NKAIN2: variants seen among roughly 807,000 people sequenced by gnomAD.
NKAIN2 encodes sodium/potassium transporting ATPase interacting 2, also known as sodium/potassium-transporting ATPase subunit beta-1-interacting protein 2.
A neutral mutation model predicts 32.6 loss-of-function variants in NKAIN2; 14 were observed. The observed-to-expected ratio is 0.43, with a 90% CI of 0.28 to 0.67. The LOEUF is 0.67. NKAIN2 is among the 30% of genes least tolerant of loss of function. The pLI, the probability that NKAIN2 is intolerant of heterozygous loss-of-function variation, is 0.17. For synonymous variants in NKAIN2, 80 were observed against 87.2 expected (o/e 0.92, Z 0.46); for missense variants, 198 against 258.3 (o/e 0.77, Z 1.60).
At chr6:124,812,169 C>T (rs536337565) in intron 5 of NKAIN2, among the ~76,000 whole-genome samples, 2 of 152,248 alleles carry the variant, frequency 1.3e-5, no homozygotes, top group South Asian at 4.1e-4. Flanking sequence ...GTGGTGTTTT[C>T]TTCCTACTGG....
chr6:124,104,741 G>A (rs1327016686), intron 1 of NKAIN2, among the ~76,000 whole-genome samples: 1 of 152,204 alleles, frequency 6.6e-6, no homozygotes, highest in Non-Finnish European at 1.5e-5. Context: ...TTCTAAATGA[G>A]ATTACTTCTT....
chr6:124,314,718 A>C (rs1253036540), intron 2 of NKAIN2, among the ~76,000 whole-genome samples: 1 of 152,206 alleles, frequency 6.6e-6, no homozygotes, highest in Admixed American at 6.5e-5. Context: ...CTCTTAGGAC[A>C]AGGGCAATGC....
chr6:124,410,990 A>G (rs1476104262), intron 3 of NKAIN2, among the ~76,000 whole-genome samples: 1 of 151,858 alleles, frequency 6.6e-6, no homozygotes, highest in African/African-American at 2.4e-5. Context: ...TTTATCAGAG[A>G]CTAGGATTGC....
At chr6:124,182,224 A>G (rs1385191591) in intron 1 of NKAIN2, among the ~76,000 whole-genome samples, 1 of 152,156 alleles carries the variant, frequency 6.6e-6, no homozygotes, top group East Asian at 1.9e-4. Context: ...ACCTGTTCCC[A>G]TGATTCAGTT....
At chr6:124,307,043 T>A (rs1167162485) in intron 2 of NKAIN2, among the ~76,000 whole-genome samples, 1 of 152,108 alleles carries the variant, frequency 6.6e-6, no homozygotes, top group Non-Finnish European at 1.5e-5. Context: ...GTTAAATGAG[T>A]TCTGTTACCA....
intron 3 of NKAIN2, among the ~76,000 whole-genome samples, chr6:124,492,622 TG>T (rs939220908): frequency 3.3e-5 from 5 of 151,988 alleles, no homozygotes; most frequent in Admixed American, 2.6e-4. Flanking sequence ...TCAGATATCT[TG>T]GTATTATGCT....
chr6:124,273,356 ATC>A (rs1428603306), intron 1 of NKAIN2, among the ~76,000 whole-genome samples: 2 of 152,056 alleles, frequency 1.3e-5, no homozygotes, highest in Non-Finnish European at 2.9e-5. Context: ...TTTTCCTGCT[ATC>A]TCTCTCCTGC....
At chr6:123,868,013 C>T (rs1319881104) in intron 1 of NKAIN2, among the ~76,000 whole-genome samples, 14 of 150,942 alleles carry the variant, frequency 9.3e-5, no homozygotes, top group East Asian at 3.9e-4. Context: ...GGACTACAGG[C>T]GCACACCACC....
At chr6:124,815,240 ATG>A (rs1491579736) in intron 5 of NKAIN2, among the ~76,000 whole-genome samples, 67 of 119,138 alleles carry the variant, frequency 5.6e-4, no homozygotes, top group Non-Finnish European at 9.4e-4. Context: ...ATATATATAT[ATG>A]TATATATGTA....
intron 4 of NKAIN2, among the ~76,000 whole-genome samples, chr6:124,686,846 A>C (rs1247038127): frequency 6.6e-6 from 1 of 152,128 alleles, no homozygotes; most frequent in Non-Finnish European, 1.5e-5. Flanking sequence ...AAAGGAGATT[A>C]ACATTTGAGT....
At chr6:124,794,328 T>C (rs1275586735) in intron 5 of NKAIN2, among the ~76,000 whole-genome samples, 2 of 152,168 alleles carry the variant, frequency 1.3e-5, no homozygotes, top group East Asian at 1.9e-4. Flanking sequence ...TTCTGGAGAA[T>C]TCTTCTAAGG....
At chr6:124,523,689 G>C (rs540373724) in intron 3 of NKAIN2, among the ~76,000 whole-genome samples, 1 of 152,104 alleles carries the variant, frequency 6.6e-6, no homozygotes, top group Non-Finnish European at 1.5e-5. Flanking sequence ...ACTATGCTCT[G>C]TCCTCTCTTC....
chr6:124,192,051 G>A (rs527927343), intron 1 of NKAIN2, among the ~76,000 whole-genome samples: 9 of 152,034 alleles, frequency 5.9e-5, no homozygotes, highest in East Asian at 3.9e-4. Context: ...AAGACTCCAC[G>A]TTTGCTTTGA....
At chr6:124,656,155 C>G (rs1444829199) in intron 3 of NKAIN2, among the ~76,000 whole-genome samples, 3 of 152,084 alleles carry the variant, frequency 2.0e-5, no homozygotes, top group Non-Finnish European at 2.9e-5. Flanking sequence ...CTCATGATTT[C>G]CCCCACAGGG....
chr6:123,819,776 G>T (rs895300085), intron 1 of NKAIN2, among the ~76,000 whole-genome samples: 3 of 152,122 alleles, frequency 2.0e-5, no homozygotes, highest in Admixed American at 1.3e-4. Flanking sequence ...AGAAATCTGT[G>T]CCAGTCCCCA....
intron 3 of NKAIN2, among the ~76,000 whole-genome samples, chr6:124,408,993 TTGTC>T (rs1158917744): frequency 1.3e-5 from 2 of 151,666 alleles, no homozygotes; most frequent in African/African-American, 4.8e-5. Flanking sequence ...ATTTGGCTGT[TTGTC>T]TGTTATTGGT....
chr6:123,886,656 G>A (rs1378960975), intron 1 of NKAIN2, among the ~76,000 whole-genome samples: 6 of 152,048 alleles, frequency 3.9e-5, no homozygotes, highest in Admixed American at 6.6e-5. Flanking sequence ...ACATGTTAAC[G>A]GAAAGGGGAA....
rs183207565 is a variant in NKAIN2 at position 123,971,973 on chromosome 6, G to A, written c.54+167719G>A. ...GCTTACTTATGCTCAGATTTCTTCT[G>A]CCTCTGCCACCCCTGAAACAGTAAG... On this transcript the variant is annotated intron_variant, in intron 1 of 6. Transcript: ENST00000368417. Among the ~76,000 whole-genome samples the A allele has an allele frequency of 1.0e-3, 156 of 152,212 alleles. 1 individual carries two copies. The highest frequency in any genetic ancestry group is 3.1e-4 in the Non-Finnish European group (21 of 68,012).
intron 1 of NKAIN2, among the ~76,000 whole-genome samples, chr6:124,177,806 C>T: frequency 5.5e-5 from 1 of 18,168 alleles, no homozygotes; most frequent in Non-Finnish European, 1.1e-4. Context: ...TTTTTTGAGA[C>T]GGAGTCTCGC....
Sources: allele counts gnomAD v4.1 joint callset (sites outside exome capture counted in the v4.1 genomes callset), GRCh38; gene constraint gnomAD v4.1.1; transcripts MANE v1.5; gene names NCBI Gene and HGNC (gene_info 2026-07-23, HGNC 2026-07-21).